EYS: variants seen among roughly 807,000 people sequenced by gnomAD.
EYS encodes EGF-like photoreceptor maintenance factor, also known as protein eyes shut homolog.
A neutral mutation model predicts 282.1 loss-of-function variants in EYS; 250 were observed. The observed-to-expected ratio is 0.89, with a 90% confidence interval of 0.80 to 0.98. EYS has a LOEUF of 0.98. EYS is among the 50% of genes least tolerant of loss of function. EYS has a pLI of 0.00. For synonymous variants in EYS, 1,355 were observed against 1,282.9 expected (o/e 1.06, Z -1.20); for missense variants, 4,016 against 3,709.0 (o/e 1.08, Z -2.15).
chr6:65,538,874 G>A (rs1768058453), intron 2 of EYS, among the ~76,000 whole-genome samples: 1 of 152,112 alleles, frequency 6.6e-6, no homozygotes, highest in Non-Finnish European at 1.5e-5. Flanking sequence ...CCATACTAGT[G>A]TTGCTACACC....
intron 12 of EYS, among the ~76,000 whole-genome samples, chr6:65,176,077 T>C (rs576531842): frequency 4.0e-5 from 6 of 151,580 alleles, no homozygotes; most frequent in African/African-American, 1.4e-4. Flanking sequence ...TGTGTTTGTA[T>C]GTGTGTGTGT....
intron 31 of EYS, among the ~76,000 whole-genome samples, chr6:64,108,212 T>C (rs1368974733): frequency 2.0e-5 from 3 of 152,088 alleles, no homozygotes; most frequent in Non-Finnish European, 4.4e-5. Flanking sequence ...CCCCTTGGAA[T>C]TTTCTCAGAC....
chr6:63,721,152 A>C lies in EYS; in HGVS notation c.8879T>G (p.Met2960Arg). Residue 2960 changes from methionine (M) to arginine (R), a missense_variant, in exon 43 of 43, where the codon ATG becomes AGG. Coordinates refer to ENST00000503581, the MANE Select transcript of EYS (RefSeq NM_001142800.2). ...NKTSFSTAKF[M>R]GNSYIKYIDP... is the part of the protein sequence containing the mutation. Reference sequence around the variant, plus strand: ...AATGTATTTAATGTAAGAATTACCCATAAATTTTGCAGTTGAAAATGAAGT... The same window carrying C: ...AATGTATTTAATGTAAGAATTACCCCTAAATTTTGCAGTTGAAAATGAAGT... 2 of 1,551,610 alleles carry C rather than the reference A, an allele frequency of 1.3e-6. No homozygotes were observed. Among genetic ancestry groups the C allele is most frequent in the Non-Finnish European group, 1.7e-6 (2 of 1,146,856 alleles).
intron 12 of EYS, among the ~76,000 whole-genome samples, chr6:65,236,920 T>C (rs183410932): frequency 2.6e-5 from 4 of 152,318 alleles, no homozygotes; most frequent in African/African-American, 9.6e-5. Flanking sequence ...GGTTTCTGCT[T>C]ATGTGAGTGT....
rs1286853621 is a variant in EYS at position 63,721,228 on chromosome 6, A to G, written c.8803T>C (p.Tyr2935His). The change falls in exon 43 of 43, where the codon TAC becomes CAC. Residue 2935 changes from tyrosine to histidine, a missense_variant. Transcript: ENST00000503581. ...CAACCCAAAGTACACAGGCAACTGT[A>G]AGAAAATGATTGGTCAGGTATACAT... The part of the protein sequence containing the change: ...SLCIPDQSFS[Y>H]SCLCTLGWVG... The G allele has an allele frequency of 1.3e-6, 2 of 1,551,840 alleles. No individual in the cohort carries two copies. The highest frequency in any genetic ancestry group is 1.7e-6 in the Non-Finnish European group (2 of 1,146,962).
intron 35 of EYS, among the ~76,000 whole-genome samples, chr6:63,898,214 C>T (rs115877329): frequency 0.012 from 1,831 of 152,164 alleles, 19 homozygotes; most frequent in Non-Finnish European, 0.018. Flanking sequence ...ATTGGCTGGG[C>T]GTGATGGCTC....
rs760208709 is a variant in EYS at position 64,038,524 on chromosome 6, TCCTAATTGA to T, written c.6725+27805_6725+27813del. ...GTTTTGTCACTTTTAATATCCACAT[TCCTAATTGA>T]CTATCAAAATCCAGTACTTCATTGT... On this transcript the variant is annotated intron_variant, in intron 33 of 42. Transcript: ENST00000503581. 8.9e-4 allele frequency among the ~76,000 whole-genome samples: 136 copies of T among 152,170 alleles called. 1 individual carries two copies. The highest frequency in any genetic ancestry group is 2.3e-3 in the South Asian group (11 of 4,822).
Position 64,419,854 on chromosome 6 carries a change from T to C in EYS, c.5927+16320A>G, listed in dbSNP as rs531211428. 1.1e-3 allele frequency among the ~76,000 whole-genome samples: 172 copies of C among 152,268 alleles called. 1 individual carries two copies. The highest frequency in any genetic ancestry group is 6.8e-3 in the Middle Eastern group (2 of 294). ...GTGGCTTTTCCAGGCACACAGTGCATGTTGTTGGTGGGTCTACCATTCTGG... is the reference window on the plus strand; with the variant it reads ...GTGGCTTTTCCAGGCACACAGTGCACGTTGTTGGTGGGTCTACCATTCTGG... On this transcript the variant is annotated intron_variant, in intron 28 of 42. Transcript: ENST00000503581.
chr6:64,848,560 A>G (rs1765784712), intron 19 of EYS, among the ~76,000 whole-genome samples: 1 of 152,092 alleles, frequency 6.6e-6, no homozygotes, highest in South Asian at 2.1e-4. Context: ...ATCAACTCAC[A>G]CAGGAGACAA....
At chr6:64,210,928 C>T (rs1285604487) in intron 31 of EYS, among the ~76,000 whole-genome samples, 1 of 152,146 alleles carries the variant, frequency 6.6e-6, no homozygotes, top group Non-Finnish European at 1.5e-5. Flanking sequence ...CTTTGCCTGC[C>T]CTTGGACATC....
rs142343557 is a variant in EYS at position 64,020,360 on chromosome 6, C to T, written c.6726-21177G>A. The stretch of plus-strand genomic sequence containing the variant: ...GTATAAATGTAATATATCATAAAAC[C>T]TTTTCCTTTAAAAATGTTGATGAAA... On this transcript the variant is annotated intron_variant, in intron 33 of 42. Transcript: ENST00000503581. Among the ~76,000 whole-genome samples the T allele has an allele frequency of 3.5e-4, 53 of 152,104 alleles. 1 individual carries two copies. The East Asian group carries it at 0.01, about 29-fold the overall frequency.
Position 63,721,734 on chromosome 6 carries a change from C to G in EYS, c.8297G>C (p.Arg2766Thr), listed in dbSNP as rs1367127383. 5.2e-6 allele frequency: 8 copies of G among 1,550,942 alleles called. No individual in the cohort carries two copies. The South Asian group carries it at 8.3e-5, about 16-fold the overall frequency. The change falls in exon 43 of 43, where the codon AGA (arginine) becomes ACA (threonine). Residue 2766 changes from arginine (R) to threonine (T), a missense_variant. Transcript: ENST00000503581. ...TTGGAGAGTTTCTAGAATGATAGTTCTGTCGCCAAGGTTGTAGCGAAGTTG... is the reference window on the plus strand; with the variant it reads ...TTGGAGAGTTTCTAGAATGATAGTTGTGTCGCCAAGGTTGTAGCGAAGTTG... ...SVQLRYNLGD[R>T]TIILETLQKV...
At chr6:64,922,932 C>T (rs1006890023) in intron 15 of EYS, among the ~76,000 whole-genome samples, 9 of 152,118 alleles carry the variant, frequency 5.9e-5, no homozygotes, top group Admixed American at 5.2e-4. Context: ...CCCAACATTT[C>T]ATTTTGTTTA....
At chr6:65,501,574 A>C (rs1039526445) in intron 2 of EYS, among the ~76,000 whole-genome samples, 2 of 151,848 alleles carry the variant, frequency 1.3e-5, no homozygotes, top group Admixed American at 1.3e-4. Context: ...AACTGGAGTA[A>C]AGAATGACAC....
chr6:64,884,922 T>A (rs375082763), intron 19 of EYS, among the ~76,000 whole-genome samples: 60 of 151,814 alleles, frequency 4.0e-4, no homozygotes, highest in African/African-American at 1.4e-3. Flanking sequence ...CAGGTTTTGA[T>A]TGTTATTCTA....
intron 26 of EYS, among the ~76,000 whole-genome samples, chr6:64,442,916 G>A (rs558966076): frequency 7.1e-6 from 1 of 140,302 alleles, no homozygotes; most frequent in Admixed American, 7.2e-5. Flanking sequence ...TGTTGGGTGG[G>A]AGCCCTGACA....
intron 28 of EYS, among the ~76,000 whole-genome samples, chr6:64,402,745 T>A (rs1250536678): frequency 6.6e-6 from 1 of 152,234 alleles, no homozygotes; most frequent in Non-Finnish European, 1.5e-5. Flanking sequence ...TCTGGCAAAT[T>A]CTAAAGTAAA....
chr6:64,786,295 G>A (rs1247207159), intron 22 of EYS, among the ~76,000 whole-genome samples: 2 of 151,780 alleles, frequency 1.3e-5, no homozygotes, highest in African/African-American at 4.8e-5. Flanking sequence ...CAGAGGGGTG[G>A]GCACTCCAAA....
At chr6:65,557,875 G>A (rs1046313909) in intron 2 of EYS, among the ~76,000 whole-genome samples, 6 of 152,146 alleles carry the variant, frequency 3.9e-5, no homozygotes, top group African/African-American at 1.4e-4. Flanking sequence ...CCCGAAGTGG[G>A]TAGCTCCTAT....
Sources: gnomAD v4.1 joint callset for allele counts (sites outside exome capture counted in the v4.1 genomes callset) on GRCh38, gnomAD v4.1.1 for gene constraint, MANE v1.5 for transcripts, NCBI Gene and HGNC (gene_info 2026-07-23, HGNC 2026-07-21) for gene names.